Variants in STK39 observed in about 807,000 individuals in gnomAD.
STK39 encodes STE20/SPS1-related proline-alanine-rich protein kinase.
In STK39, 20 loss-of-function variants were observed where a neutral mutation model predicts 77.8. The ratio of observed to expected loss-of-function variants is 0.26; its 90% CI spans 0.18 to 0.37. The LOEUF (loss-of-function observed/expected upper bound fraction) is 0.37. STK39 is among the 10% of genes least tolerant of loss of function. STK39 has a pLI of 1.00. For synonymous variants in STK39, 246 were observed against 234.1 expected (o/e 1.05, Z -0.47); for missense variants, 479 against 656.5 (o/e 0.73, Z 2.95).
intron 3 of STK39, among the ~76,000 whole-genome samples, chr2:168,166,571 G>A (rs1688698128): frequency 1.3e-5 from 2 of 152,136 alleles, no homozygotes; most frequent in African/African-American, 4.8e-5. Flanking sequence ...CACCTACTGG[G>A]CGCCAAGTTC....
intron 16 of STK39, among the ~76,000 whole-genome samples, chr2:167,982,335 T>C (rs1683441582): frequency 6.6e-6 from 1 of 152,184 alleles, no homozygotes; most frequent in Admixed American, 6.5e-5. Context: ...GTAACCTACA[T>C]AAAATGTCTG....
chr2:168,247,061 TAAA>T (rs755613797), intron 1 of STK39, among the ~76,000 whole-genome samples, 164 bp downstream of exon 1: 1,028 of 89,232 alleles, frequency 0.012, 18 homozygotes, highest in African/African-American at 0.034. Flanking sequence ...CATTAAAAAT[TAAA>T]AAAAAAAAAA....
intron 10 of STK39, among the ~76,000 whole-genome samples, chr2:168,116,278 T>C (rs1002430083): frequency 6.6e-6 from 1 of 152,166 alleles, no homozygotes; most frequent in Admixed American, 6.5e-5. Flanking sequence ...CCCAGCTCTA[T>C]GATTGCTGTG....
chr2:168,206,305 T>TC (rs959960070), intron 1 of STK39, among the ~76,000 whole-genome samples: 3 of 150,622 alleles, frequency 2.0e-5, no homozygotes, highest in Admixed American at 6.6e-5. Flanking sequence ...TTTCTTTCTT[T>TC]TTTTTTTTTT....
chr2:168,007,492 G>C (rs1256286526), intron 16 of STK39, among the ~76,000 whole-genome samples: 1 of 152,132 alleles, frequency 6.6e-6, no homozygotes, highest in Non-Finnish European at 1.5e-5. Flanking sequence ...GATGCTCAAG[G>C]GGAAGTCCTA....
chr2:168,238,721 A>G (rs955743267), intron 1 of STK39, among the ~76,000 whole-genome samples: 2 of 152,242 alleles, frequency 1.3e-5, no homozygotes, highest in African/African-American at 4.8e-5. Flanking sequence ...ATGCCAATCC[A>G]TTCTCTAAAG....
At chr2:168,069,688 T>A (rs1685889428) in intron 12 of STK39, among the ~76,000 whole-genome samples, 1 of 152,236 alleles carries the variant, frequency 6.6e-6, no homozygotes, top group Admixed American at 6.5e-5. Flanking sequence ...TCCTAGCCAG[T>A]CCTTGATCCT....
intron 10 of STK39, among the ~76,000 whole-genome samples, chr2:168,122,666 G>T (rs886449952): frequency 1.3e-5 from 2 of 151,970 alleles, no homozygotes; most frequent in African/African-American, 2.4e-5. Flanking sequence ...TAAACTCCTG[G>T]GTTCTAGCAA....
intron 16 of STK39, among the ~76,000 whole-genome samples, chr2:168,001,150 C>T (rs550488192): frequency 6.6e-6 from 1 of 151,932 alleles, no homozygotes; most frequent in African/African-American, 2.4e-5. Context: ...GAATGGTTAC[C>T]GTGGGTTATG....
At chr2:168,198,391 A>T (rs566546401) in intron 1 of STK39, among the ~76,000 whole-genome samples, 48 of 152,292 alleles carry the variant, frequency 3.2e-4, no homozygotes, top group Non-Finnish European at 5.9e-4. Context: ...TCGTGTAATA[A>T]TTTCAAAGGG....
chr2:168,212,690 C>T (rs80216150), intron 1 of STK39, among the ~76,000 whole-genome samples: 3,458 of 152,234 alleles, frequency 0.023, 85 homozygotes, highest in East Asian at 0.075. Flanking sequence ...AGGTAAAGGT[C>T]ACATTTCAGA....
At chr2:167,980,856 C>T (rs1683399146) in intron 16 of STK39, among the ~76,000 whole-genome samples, 1 of 149,914 alleles carries the variant, frequency 6.7e-6, no homozygotes, top group South Asian at 2.2e-4. Context: ...ATTTCCAAAA[C>T]CTTTAAAGGT....
chr2:167,999,053 T>C (rs1464577750), intron 16 of STK39, among the ~76,000 whole-genome samples: 2 of 152,206 alleles, frequency 1.3e-5, no homozygotes, highest in African/African-American at 2.4e-5. Context: ...TTATGGCTAA[T>C]GGCTCTTTAC....
In STK39 at chr2:168,163,741, G is replaced by A. The variant is rs764997340; in HGVS notation, c.570C>T (p.His190=). 1.9e-6 allele frequency: 3 copies of A among 1,613,636 alleles called. No individual in the cohort carries two copies. The highest frequency in any genetic ancestry group is 1.6e-4 in the Middle Eastern group (1 of 6,076). ...LDYLHRNGQI[H]RDLKAGNILL... ...AAACATCTCTGCAGAGGTCATACCT[G>A]TGAATCTGACCGTTTCTGTGTAGAT... is the stretch of plus-strand genomic sequence containing the variant. The change falls in exon 4 of 18, where the codon CAC becomes CAT. Residue 190 remains histidine (H), a splice_region_variant and synonymous_variant. Transcript: ENST00000355999.
chr2:168,221,973 C>A (rs1690183384), intron 1 of STK39, among the ~76,000 whole-genome samples: 1 of 152,156 alleles, frequency 6.6e-6, no homozygotes, highest in Non-Finnish European at 1.5e-5. Flanking sequence ...AGTATGGTTC[C>A]ACTTTCTCTA....
At chr2:168,222,391 T>G (rs573786365) in intron 1 of STK39, among the ~76,000 whole-genome samples, 3 of 152,330 alleles carry the variant, frequency 2.0e-5, no homozygotes, top group Non-Finnish European at 2.9e-5. Flanking sequence ...TTAGGTACTT[T>G]GCGTGATGGA....
intron 14 of STK39, among the ~76,000 whole-genome samples, chr2:168,039,664 G>A (rs1440581002): frequency 6.6e-6 from 1 of 151,836 alleles, no homozygotes; most frequent in Non-Finnish European, 1.5e-5. Context: ...AGGGAGGAAT[G>A]GATTGCAAAA....
chr2:168,143,603 A>G (rs1325282311), intron 5 of STK39, among the ~76,000 whole-genome samples: 2 of 151,978 alleles, frequency 1.3e-5, no homozygotes, highest in Non-Finnish European at 2.9e-5. Context: ...AGTCCCAGCA[A>G]CTCTGGAGGC....
At chr2:168,080,456 C>G (rs889715597) in intron 10 of STK39, among the ~76,000 whole-genome samples, 1 of 151,930 alleles carries the variant, frequency 6.6e-6, no homozygotes, top group Non-Finnish European at 1.5e-5. Context: ...AGTGAAACCC[C>G]GTCTCCACTA....
Sources: gnomAD v4.1 joint callset for allele counts (sites outside exome capture counted in the v4.1 genomes callset) on GRCh38, gnomAD v4.1.1 for gene constraint, MANE v1.5 for transcripts, NCBI Gene and HGNC (gene_info 2026-07-23, HGNC 2026-07-21) for gene names.